DEK: variants seen among roughly 807,000 people sequenced by gnomAD.
The protein encoded by DEK is protein DEK.
A neutral mutation model predicts 46.8 loss-of-function variants in DEK; 28 were observed. The ratio of observed to expected loss-of-function variants is 0.60; its 90% CI spans 0.44 to 0.82. The LOEUF (loss-of-function observed/expected upper bound fraction) is 0.82, where lower values mean the gene tolerates loss of function less well. Ranked by LOEUF, DEK falls within the 40% of genes least tolerant of loss-of-function variation. The pLI is 0.00. For missense variants in DEK, 416 were observed against 430.6 expected, an observed-to-expected ratio of 0.97 and a Z score of 0.30; for synonymous variants, 160 against 144.5, an observed-to-expected ratio of 1.11 and a Z score of -0.77.
intron 5 of DEK, 121 bp from the exon 6 acceptor site, chr6:18,255,972 A>C: frequency 6.2e-6 from 7 of 1,134,446 alleles, no homozygotes; most frequent in South Asian, 5.9e-5. Flanking sequence ...AAAGTGGCCA[A>C]TGCTTCTATG....
chr6:18,229,977 A>G (rs1021506335), intron 9 of DEK, among the ~76,000 whole-genome samples: 1 of 152,254 alleles, frequency 6.6e-6, no homozygotes, highest in South Asian at 2.1e-4. Context: ...GCAGCCAGAG[A>G]GAAAGGTCGG....
At position 18,224,955 on chromosome 6, in the gene DEK, G is replaced by C. The variant is rs1474485554; in HGVS notation, c.*764C>G. The C allele has an allele frequency of 2.3e-5, 5 of 216,260 alleles. No homozygotes were observed. In the East Asian group the frequency reaches 3.4e-4, roughly 15 times the overall value. 13.4% of individuals were successfully genotyped at this position (216,260 alleles called of 1,614,324 possible). On this transcript the variant is annotated 3_prime_UTR_variant, in exon 11 of 11. Coordinates refer to ENST00000652689, the MANE Select transcript of DEK (RefSeq NM_003472.4). ...TGATGACACTTTCGAGGCAAAGCAG[G>C]GTAACTGTTCCTTCAGTGTTGCCAT...
chr6:18,226,025 G>A (rs977237519), intron 10 of DEK, 149 bp downstream of exon 10: 9 of 827,386 alleles, frequency 1.1e-5, no homozygotes, highest in Non-Finnish European at 1.6e-5. Context: ...AAGTGGGAAT[G>A]AGAAGAAATA....
chr6:18,228,519 G>A (rs909441032), intron 9 of DEK, among the ~76,000 whole-genome samples: 78 of 151,966 alleles, frequency 5.1e-4, no homozygotes, highest in African/African-American at 1.8e-3. Flanking sequence ...CTTGTCGGAC[G>A]GTGGGTACAG....
chr6:18,254,469 C>A (rs1561989479), intron 6 of DEK, among the ~76,000 whole-genome samples: 2 of 152,202 alleles, frequency 1.3e-5, no homozygotes, highest in African/African-American at 4.8e-5. Flanking sequence ...CTCTTTCATT[C>A]TTTTGAAAAG....
In DEK at chr6:18,239,188, T is replaced by G. The variant is rs573021072; in HGVS notation, c.763-1672A>C. Among the ~76,000 whole-genome samples the G allele has an allele frequency of 2.0e-5, 3 of 152,242 alleles. No individual in the cohort carries two copies. The East Asian group carries it at 5.8e-4, about 29-fold the overall frequency. On this transcript the variant is annotated intron_variant, in intron 7 of 10. Transcript: ENST00000652689. ...ATCCACTCACTTTGGTCTCTCAAAGTGCTGGGATTACAGCCGTGAGCCACT... is the reference window on the plus strand; with the variant it reads ...ATCCACTCACTTTGGTCTCTCAAAGGGCTGGGATTACAGCCGTGAGCCACT...
intron 9 of DEK, among the ~76,000 whole-genome samples, chr6:18,229,354 G>A (rs1022561207): frequency 1.3e-5 from 2 of 152,262 alleles, no homozygotes; most frequent in African/African-American, 2.4e-5. Flanking sequence ...ACAGCTCCTC[G>A]CCAGCAATGG....
chr6:18,243,065 C>G (rs1399069363), intron 7 of DEK, among the ~76,000 whole-genome samples: 5 of 152,104 alleles, frequency 3.3e-5, no homozygotes, highest in Non-Finnish European at 1.5e-5. Context: ...CAGGCATACA[C>G]TGGGGGTCTT....
At chr6:18,227,882 A>G (rs1411443921) in intron 9 of DEK, among the ~76,000 whole-genome samples, 1 of 152,152 alleles carries the variant, frequency 6.6e-6, no homozygotes, top group Non-Finnish European at 1.5e-5. Flanking sequence ...CTATGATTCC[A>G]CAACCTGAAA....
chr6:18,260,758 T>C (rs1582302018), intron 2 of DEK, among the ~76,000 whole-genome samples: 1 of 151,964 alleles, frequency 6.6e-6, no homozygotes, highest in South Asian at 2.1e-4. Flanking sequence ...CCAGGCCCTT[T>C]GGGAGGCAGA....
chr6:18,234,236 T>C (rs1790549068), intron 9 of DEK, among the ~76,000 whole-genome samples: 1 of 151,442 alleles, frequency 6.6e-6, no homozygotes, highest in Admixed American at 6.6e-5. Flanking sequence ...ACACCTAATG[T>C]AAATGACCAG....
At chr6:18,247,830 G>A (rs967763903) in intron 7 of DEK, among the ~76,000 whole-genome samples, 1 of 151,884 alleles carries the variant, frequency 6.6e-6, no homozygotes, top group African/African-American at 2.4e-5. Flanking sequence ...GCACCACCAC[G>A]CCCAGCTAAT....
intron 9 of DEK, among the ~76,000 whole-genome samples, chr6:18,229,072 C>G (rs187222688): frequency 2.0e-4 from 31 of 152,260 alleles, no homozygotes; most frequent in African/African-American, 7.5e-4. Context: ...AAGGATCAGG[C>G]AGGACAGTAT....
At chr6:18,259,229 C>T (rs1175406272) in intron 2 of DEK, among the ~76,000 whole-genome samples, 1 of 151,040 alleles carries the variant, frequency 6.6e-6, no homozygotes, top group Non-Finnish European at 1.5e-5. Context: ...CCCATCTCTA[C>T]TAAAAAATAC....
chr6:18,232,710 G>A (rs11967095), intron 9 of DEK, among the ~76,000 whole-genome samples: 2,400 of 152,244 alleles, frequency 0.016, 67 homozygotes, highest in African/African-American at 0.055. Flanking sequence ...CAAAATAAAA[G>A]AGGACACAAA....
chr6:18,252,509 C>CAAAAAAAAAAAAAAAAA (rs61626818), intron 6 of DEK, among the ~76,000 whole-genome samples: 1 of 29,144 alleles, frequency 3.4e-5, no homozygotes. Context: ...ACGCTGTCTC[C>CAAAAAAAAAAAAAAAAA]AAAAAAAAAA....
rs192936873 is a variant in DEK at position 18,255,592 on chromosome 6, G to C, written c.573+139C>G. On this transcript the variant is annotated intron_variant, in intron 6 of 10. Transcript: ENST00000652689. ...TTATTTCTATCAGGAAATTACTGCA[G>C]ATACGTCAACAGAAGGTATAGTCTT... 7.1e-4 allele frequency: 721 copies of C among 1,018,998 alleles called. 5 individuals are homozygous for C. The African/African-American group carries it at 0.011, about 15-fold the overall frequency. 63.1% of individuals were successfully genotyped at this position (1,018,998 alleles called of 1,614,324 possible). A position where few individuals can be genotyped will look rare whatever the true frequency, so the allele number is the denominator to read the frequency against.
intron 6 of DEK, among the ~76,000 whole-genome samples, chr6:18,251,977 A>G (rs1252518128): frequency 6.6e-6 from 1 of 152,222 alleles, no homozygotes; most frequent in East Asian, 1.9e-4. Context: ...CAAAATCCAA[A>G]AAGTAGTAAT....
rs1582307242 is a variant in DEK, at chr6:18,263,769, A to G, written c.145+74T>C. On this transcript the variant is annotated intron_variant, in intron 2 of 10. Coordinates refer to ENST00000652689, the MANE Select transcript of DEK (RefSeq NM_003472.4). ...CTCTAAACACCAAAAGAGCAAGAAA[A>G]CTGTTTCCTGGGTGAAAAATACAAA... 9 of 1,609,748 alleles carry G rather than the reference A, an allele frequency of 5.6e-6. No individual in the cohort carries two copies. In the East Asian group the frequency reaches 2.0e-4, roughly 36 times the overall value.
Sources: gnomAD v4.1 joint callset for allele counts (sites outside exome capture counted in the v4.1 genomes callset) on GRCh38, gnomAD v4.1.1 for gene constraint, MANE v1.5 for transcripts, NCBI Gene and HGNC (gene_info 2026-07-23, HGNC 2026-07-21) for gene names.